Variants in CNTN4 observed in about 807,000 individuals in gnomAD.
The protein encoded by CNTN4 is contactin 4.
CNTN4 carries 77 observed loss-of-function variants against 122.5 expected under a neutral mutation model. The ratio of observed to expected loss-of-function variants is 0.63; its 90% CI spans 0.52 to 0.76. The LOEUF (loss-of-function observed/expected upper bound fraction) is 0.76, where lower values mean the gene tolerates loss of function less well. Among genes scored for constraint, CNTN4 ranks in the 30% least tolerant of loss-of-function variants. CNTN4 has a pLI of 0.00. For synonymous variants in CNTN4, 512 were observed against 447.0 expected, an observed-to-expected ratio of 1.15 and a Z score of -1.83; for missense variants, 1,256 against 1,259.1, an observed-to-expected ratio of 1.00 and a Z score of 0.04.
intron 2 of CNTN4, among the ~76,000 whole-genome samples, chr3:2,138,054 ATTCTTC>A (rs1269302170): frequency 1.4e-5 from 2 of 147,300 alleles, no homozygotes; most frequent in Admixed American, 6.8e-5. Context: ...ACCTCCCAAT[ATTCTTC>A]TTCTTCTTTT....
At chr3:2,327,153 T>TGTGTGTTTG (rs1559455687) in intron 2 of CNTN4, among the ~76,000 whole-genome samples, 2,675 of 114,068 alleles carry the variant, frequency 0.023, 56 homozygotes, top group East Asian at 0.059. Context: ...GTGTGTGTGT[T>TGTGTGTTTG]TGTGTGTGTG....
intron 3 of CNTN4, among the ~76,000 whole-genome samples, chr3:2,542,926 GA>G (rs59099677): frequency 1.8e-3 from 272 of 152,164 alleles, no homozygotes; most frequent in African/African-American, 6.2e-3. Flanking sequence ...GCCTTGAAAA[GA>G]AACATTTCCA....
At chr3:2,120,254 A>C (rs1362300618) in intron 2 of CNTN4, among the ~76,000 whole-genome samples, 1 of 150,682 alleles carries the variant, frequency 6.6e-6, no homozygotes, top group African/African-American at 2.5e-5. Context: ...TTCTACTTTG[A>C]GAGTATGATA....
At chr3:2,803,309 G>C (rs970212725) in intron 6 of CNTN4, among the ~76,000 whole-genome samples, 3 of 152,178 alleles carry the variant, frequency 2.0e-5, no homozygotes, top group African/African-American at 7.2e-5. Context: ...TTCTCATTTA[G>C]GGAGAAAAGA....
At chr3:2,355,403 A>G (rs2044826276) in intron 3 of CNTN4, among the ~76,000 whole-genome samples, 1 of 152,354 alleles carries the variant, frequency 6.6e-6, no homozygotes, top group African/African-American at 2.4e-5. Flanking sequence ...CTCAGTTGTC[A>G]GAAACAGAAA....
intron 2 of CNTN4, among the ~76,000 whole-genome samples, chr3:2,152,618 G>GA (rs1312749487): frequency 6.6e-5 from 10 of 152,098 alleles, no homozygotes; most frequent in African/African-American, 9.7e-5. Flanking sequence ...GTTTTGTCCT[G>GA]AAAAAATAGA....
Position 3,056,261 on chromosome 3 carries a change from A to G in CNTN4, c.*41A>G, listed in dbSNP as rs1701792771. The stretch of plus-strand genomic sequence containing the variant: ...GGACTTGCTGTTTATAATATAAGCA[A>G]CATTTAGCTAGTTGTTTTGAAGACA... On this transcript the variant is annotated 3_prime_UTR_variant, in exon 25 of 25. Transcript: ENST00000418658. 1.4e-6 allele frequency: 2 copies of G among 1,418,792 alleles called. No homozygotes were observed. Among genetic ancestry groups the G allele is most frequent in the Non-Finnish European group, 2.0e-6 (2 of 1,002,184 alleles). 87.9% of individuals were successfully genotyped at this position (1,418,792 alleles called of 1,614,324 possible).
chr3:2,276,830 C>T (rs986523271), intron 2 of CNTN4, among the ~76,000 whole-genome samples: 20 of 152,028 alleles, frequency 1.3e-4, no homozygotes, highest in South Asian at 4.2e-4. Flanking sequence ...GCAAGATAAT[C>T]GCTTGAACCT....
intron 4 of CNTN4, among the ~76,000 whole-genome samples, chr3:2,697,796 G>A (rs551677646): frequency 1.3e-5 from 2 of 152,154 alleles, no homozygotes; most frequent in Non-Finnish European, 2.9e-5. Flanking sequence ...AGGGCAGGCT[G>A]GCAGTCTGGA....
At chr3:2,648,039 C>T (rs550083595) in intron 4 of CNTN4, among the ~76,000 whole-genome samples, 1 of 152,294 alleles carries the variant, frequency 6.6e-6, no homozygotes, top group South Asian at 2.1e-4. Context: ...ACAAATCCTT[C>T]CCAGTCATCA....
intron 2 of CNTN4, among the ~76,000 whole-genome samples, chr3:2,298,813 C>T (rs1052392266): frequency 2.0e-5 from 3 of 152,100 alleles, no homozygotes; most frequent in Admixed American, 6.5e-5. Context: ...TAAAATTAAC[C>T]TATTACCTGT....
intron 2 of CNTN4, among the ~76,000 whole-genome samples, chr3:2,120,386 T>TATATATATATAA (rs1559260821): frequency 5.8e-4 from 16 of 27,658 alleles, no homozygotes; most frequent in East Asian, 2.4e-3. Context: ...TATATATATA[T>TATATATATATAA]ATATATATAT....
At chr3:2,578,219 G>A (rs745592648) in intron 4 of CNTN4, among the ~76,000 whole-genome samples, 2 of 152,188 alleles carry the variant, frequency 1.3e-5, no homozygotes, top group Admixed American at 6.5e-5. Context: ...TTGAGGCTCA[G>A]GAAGTCTCAT....
intron 3 of CNTN4, among the ~76,000 whole-genome samples, chr3:2,530,167 A>G (rs2149223789): frequency 6.6e-6 from 1 of 152,018 alleles, no homozygotes. Flanking sequence ...CCTCTCCAAC[A>G]TTTTCATCTT....
chr3:2,899,848 C>G (rs1047354772), intron 10 of CNTN4, among the ~76,000 whole-genome samples: 3 of 151,886 alleles, frequency 2.0e-5, no homozygotes, highest in Admixed American at 6.6e-5. Context: ...AACATTCTAT[C>G]AATACGAAAT....
At chr3:2,277,287 G>A (rs1231165803) in intron 2 of CNTN4, among the ~76,000 whole-genome samples, 2 of 151,968 alleles carry the variant, frequency 1.3e-5, no homozygotes, top group African/African-American at 2.4e-5. Context: ...CCTGGAAGAC[G>A]GTCAGCCATA....
chr3:2,436,457 T>C (rs186504981), intron 3 of CNTN4, among the ~76,000 whole-genome samples: 1 of 152,270 alleles, frequency 6.6e-6, no homozygotes, highest in East Asian at 1.9e-4. Flanking sequence ...GAAGGACGTA[T>C]AATTGCCATT....
At chr3:2,122,467 T>TA (rs1261592694) in intron 2 of CNTN4, among the ~76,000 whole-genome samples, 1 of 152,198 alleles carries the variant, frequency 6.6e-6, no homozygotes, top group African/African-American at 2.4e-5. Flanking sequence ...TAGCTAACTC[T>TA]TCCCTGCGAA....
intron 3 of CNTN4, among the ~76,000 whole-genome samples, chr3:2,344,278 ATTT>A: frequency 6.9e-6 from 1 of 145,982 alleles, no homozygotes. Context: ...GCCAGGTCAA[ATTT>A]TTTTTTTTTT....
Sources: gnomAD v4.1 joint callset for allele counts (sites outside exome capture counted in the v4.1 genomes callset) on GRCh38, gnomAD v4.1.1 for gene constraint, MANE v1.5 for transcripts, NCBI Gene and HGNC (gene_info 2026-07-23, HGNC 2026-07-21) for gene names.